CLVS1: variants seen among roughly 807,000 people sequenced by gnomAD.
The protein encoded by CLVS1 is clavesin 1.
A neutral mutation model predicts 33.1 loss-of-function variants in CLVS1; 10 were observed. The ratio of observed to expected loss-of-function variants is 0.30; its 90% CI spans 0.19 to 0.51. CLVS1 has a LOEUF of 0.51. Ranked by LOEUF, CLVS1 falls within the 20% of genes least tolerant of loss-of-function variation. CLVS1 has a pLI of 0.97. For synonymous variants in CLVS1, 163 were observed against 166.1 expected, an observed-to-expected ratio of 0.98 and a Z score of 0.14; for missense variants, 343 against 433.4, an observed-to-expected ratio of 0.79 and a Z score of 1.85.
chr8:61,170,674 G>A (rs1055617333), intron 2 of CLVS1, among the ~76,000 whole-genome samples: 3 of 152,094 alleles, frequency 2.0e-5, no homozygotes, highest in Non-Finnish European at 2.9e-5. Flanking sequence ...CTGGAAAAAC[G>A]GAGAATAATG....
chr8:61,375,434 C>T (rs975990021), intron 2 of CLVS1, among the ~76,000 whole-genome samples: 3 of 151,606 alleles, frequency 2.0e-5, no homozygotes, highest in Non-Finnish European at 2.9e-5. Context: ...TATTTTTAGT[C>T]GAGACGGGGT....
At chr8:61,462,351 C>G (rs923524809) in intron 5 of CLVS1, among the ~76,000 whole-genome samples, 3 of 152,038 alleles carry the variant, frequency 2.0e-5, no homozygotes, top group Middle Eastern at 3.2e-3. Context: ...TAGCTATAGT[C>G]TTATGAAATG....
chr8:61,074,427 A>G (rs1256942277), intron 1 of CLVS1, among the ~76,000 whole-genome samples: 1 of 141,154 alleles, frequency 7.1e-6, no homozygotes, highest in East Asian at 2.0e-4. Flanking sequence ...ATGTGTATAT[A>G]TATATGTTAT....
In CLVS1 at chr8:61,250,894, G is replaced by A. The variant is rs1184309079; in HGVS notation, c.-151-48783G>A. On this transcript the variant is annotated intron_variant, in intron 2 of 2. Coordinates refer to the CLVS1 transcript ENST00000522621. Reference sequence around the variant, plus strand: ...AATTTGTCTTCCTCTCTTCCTGTTTGAATACTTTTATTTCTTTCTCTTACC... The same window carrying A: ...AATTTGTCTTCCTCTCTTCCTGTTTAAATACTTTTATTTCTTTCTCTTACC... Among the ~76,000 whole-genome samples the A allele has an allele frequency of 3.9e-5, 6 of 152,068 alleles. No homozygotes were observed. The East Asian group carries it at 1.2e-3, about 29-fold the overall frequency.
chr8:61,114,160 C>T (rs78326774), intron 1 of CLVS1, among the ~76,000 whole-genome samples: 3 of 152,136 alleles, frequency 2.0e-5, no homozygotes, highest in African/African-American at 7.2e-5. Flanking sequence ...AAATATTATT[C>T]TTCTTGTGTT....
chr8:61,210,074 A>G (rs1435423208), intron 2 of CLVS1, among the ~76,000 whole-genome samples: 1 of 152,244 alleles, frequency 6.6e-6, no homozygotes, highest in Non-Finnish European at 1.5e-5. Context: ...GTCTTCCCTG[A>G]AAGTAAACAC....
upstream of CLVS1, among the ~76,000 whole-genome samples, chr8:61,056,285 G>T (rs1184774171): frequency 6.6e-6 from 1 of 152,184 alleles, no homozygotes; most frequent in Non-Finnish European, 1.5e-5. Context: ...AAAAAACGGA[G>T]TAAATTTGGT....
chr8:61,441,509 G>A (rs1816543865), intron 3 of CLVS1, among the ~76,000 whole-genome samples: 1 of 152,114 alleles, frequency 6.6e-6, no homozygotes, highest in Non-Finnish European at 1.5e-5. Context: ...GTTATAAAGG[G>A]CAGCCAATGT....
At chr8:61,235,906 A>G (rs905823257) in intron 2 of CLVS1, among the ~76,000 whole-genome samples, 4 of 152,208 alleles carry the variant, frequency 2.6e-5, no homozygotes, top group African/African-American at 4.8e-5. Flanking sequence ...AGCCCTGTGG[A>G]CAAGAGCAGT....
chr8:61,171,024 G>GT (rs1019747488), intron 2 of CLVS1, among the ~76,000 whole-genome samples: 14 of 151,280 alleles, frequency 9.3e-5, no homozygotes, highest in African/African-American at 2.2e-4. Flanking sequence ...ATATTAGTAG[G>GT]TTTTTTTTTC....
intron 3 of CLVS1, among the ~76,000 whole-genome samples, chr8:61,411,767 C>T (rs114072960): frequency 0.011 from 1,675 of 152,290 alleles, 38 homozygotes; most frequent in African/African-American, 0.038. Flanking sequence ...CTTCTCTTCT[C>T]AGTCCCTAGT....
rs535678780 is a variant in CLVS1, at chr8:61,110,244, G to T, written c.-242-21526G>T. Among the ~76,000 whole-genome samples the T allele has an allele frequency of 3.3e-5, 5 of 152,248 alleles. No individual in the cohort carries two copies. In the South Asian group the frequency reaches 1.0e-3, roughly 32 times the overall value. On this transcript the variant is annotated intron_variant, in intron 1 of 2. Coordinates refer to the CLVS1 transcript ENST00000522621. ...ATTGGCTGCCTTTTCTCAAGTAGGG[G>T]TAAATTCTGTGTGCTGTTAGGGAGC...
intron 2 of CLVS1, among the ~76,000 whole-genome samples, chr8:61,357,124 C>T (rs919025407): frequency 2.6e-5 from 4 of 152,056 alleles, no homozygotes; most frequent in African/African-American, 9.7e-5. Flanking sequence ...TGAAGAGATC[C>T]TTCACATCCC....
chr8:61,006,688 G>A, the CLVS1 span, among the ~76,000 whole-genome samples: 2 of 152,076 alleles, frequency 1.3e-5, no homozygotes, highest in East Asian at 1.9e-4. Flanking sequence ...GGATATTTTT[G>A]TCGGTGTCTA....
At chr8:61,160,218 T>C (rs182707175) in intron 2 of CLVS1, among the ~76,000 whole-genome samples, 1 of 152,330 alleles carries the variant, frequency 6.6e-6, no homozygotes, top group African/African-American at 2.4e-5. Context: ...TACATATTGA[T>C]AGTAGAAATT....
At chr8:61,312,249 G>A (rs1174034029) in intron 2 of CLVS1, among the ~76,000 whole-genome samples, 3 of 152,104 alleles carry the variant, frequency 2.0e-5, no homozygotes, top group Admixed American at 6.5e-5. Context: ...CCGCCCTTTC[G>A]ATATGGTTCC....
At chr8:61,308,400 A>AC (rs1810707428) in intron 2 of CLVS1, among the ~76,000 whole-genome samples, 2 of 152,166 alleles carry the variant, frequency 1.3e-5, no homozygotes, top group South Asian at 4.2e-4. Context: ...GTTTCAAAAT[A>AC]TCCATGGAGC....
At chr8:61,045,209 T>A in the CLVS1 span, among the ~76,000 whole-genome samples, 1 of 152,200 alleles carries the variant, frequency 6.6e-6, no homozygotes, top group South Asian at 2.1e-4. Context: ...CAGCAAGATG[T>A]ATGTGGCAAA....
intron 2 of CLVS1, among the ~76,000 whole-genome samples, chr8:61,232,032 T>TGTTTGTTTG (rs1563455104): frequency 1.4e-5 from 1 of 70,938 alleles, no homozygotes; most frequent in African/African-American, 4.2e-5. Context: ...GGTTTTTTTT[T>TGTTTGTTTG]TTTTTTTTTT....
Sources: allele counts gnomAD v4.1 joint callset (sites outside exome capture counted in the v4.1 genomes callset), GRCh38; gene constraint gnomAD v4.1.1; transcripts MANE v1.5; gene names NCBI Gene and HGNC (gene_info 2026-07-23, HGNC 2026-07-21).